The following CFAP57 variants were observed in gnomAD, a reference collection of about 807,000 sequenced individuals.
CFAP57 encodes cilia and flagella associated protein 57, also known as cilia- and flagella-associated protein 57.
Under a neutral mutation model 146.8 loss-of-function variants are expected in CFAP57, and 116 were observed. The ratio of observed to expected loss-of-function variants is 0.79; its 90% CI spans 0.68 to 0.92. CFAP57 has a LOEUF of 0.92. Among genes scored for constraint, CFAP57 ranks in the 40% least tolerant of loss-of-function variants. CFAP57 has a pLI of 0.00. For missense variants in CFAP57, 1,377 were observed against 1,527.2 expected, an observed-to-expected ratio of 0.90 and a Z score of 1.64; for synonymous variants, 518 against 552.8, an observed-to-expected ratio of 0.94 and a Z score of 0.88.
At chr1:43,250,646 G>A (rs1570380970) in intron 22 of CFAP57, among the ~76,000 whole-genome samples, 1 of 152,114 alleles carries the variant, frequency 6.6e-6, no homozygotes, top group Non-Finnish European at 1.5e-5. Flanking sequence ...CAACAAACAA[G>A]CCCCTAGTGT....
At chr1:43,222,784 C>A in intron 15 of CFAP57, 40 bp from the exon 16 acceptor site, 1 of 1,482,662 alleles carries the variant, frequency 6.7e-7, no homozygotes, top group Non-Finnish European at 9.0e-7. Flanking sequence ...ATGTGTGAGT[C>A]CCTTCTCCCC....
chr1:43,195,063 CAG>C (rs1643777267), intron 6 of CFAP57: 1 of 152,140 alleles, frequency 6.6e-6, no homozygotes, highest in Non-Finnish European at 1.5e-5. Flanking sequence ...TTTCTGAGGA[CAG>C]GGGAAAATGA....
chr1:43,227,086 G>C lies in CFAP57; in HGVS notation c.2969G>C (p.Arg990Pro), dbSNP rs892606329. 6.5e-7 allele frequency: 1 copy of C among 1,543,874 alleles called. No homozygotes were observed. The highest frequency in any genetic ancestry group is 1.2e-5 in the South Asian group (1 of 82,944). The part of the protein sequence containing the change: ...IKELKKQIEP[R>P]ENEIRVMKEQ... ...GAGCTGAAGAAGCAAATAGAACCTC[G>C]AGAGAATGAGATCAGGGTGATGAAG... is the stretch of plus-strand genomic sequence containing the variant. The change falls in exon 18 of 23, where the codon CGA becomes CCA. Residue 990 changes from arginine to proline, a missense_variant. By Grantham distance (103) the Arg-to-Pro change is moderately radical. Transcript: ENST00000372492.
Position 43,232,615 on chromosome 1 carries a change from GA to G in CFAP57, c.3118del (p.Arg1040AspfsTer22). On this transcript the variant is annotated frameshift_variant, in exon 19 of 23. Coordinates refer to ENST00000372492, the MANE Select transcript of CFAP57 (RefSeq NM_001378189.1). LOFTEE classifies it high-confidence loss of function. ...CCACCGATCAGGAGATGCGCAGAGA[GA>G]GACAGAAGGTGTGAGGGTTTCAGAG... ...RATDQEMRRE[R>X]QKERDLEALV... The G allele has an allele frequency of 6.5e-7, 1 of 1,539,322 alleles. No individual in the cohort carries two copies. The highest frequency in any genetic ancestry group is 1.7e-4 in the Middle Eastern group (1 of 5,928).
At chr1:43,242,307 C>T (rs1302839507) in intron 21 of CFAP57, among the ~76,000 whole-genome samples, 1 of 152,184 alleles carries the variant, frequency 6.6e-6, no homozygotes, top group Non-Finnish European at 1.5e-5. Context: ...TTAAACTGTA[C>T]CCACACCCCG....
At chr1:43,202,507 G>T (rs1442182516) in intron 9 of CFAP57, among the ~76,000 whole-genome samples, 3 of 152,168 alleles carry the variant, frequency 2.0e-5, no homozygotes, top group Non-Finnish European at 4.4e-5. Flanking sequence ...AGGGGTCCGG[G>T]CGCAGTCACT....
chr1:43,186,907 G>A (rs1474193211), intron 6 of CFAP57, 48 bp downstream of exon 6: 1 of 1,611,006 alleles, frequency 6.2e-7, no homozygotes, highest in East Asian at 2.2e-5. Context: ...CTATCTGCCT[G>A]CTGGGGGACT....
In CFAP57 at chr1:43,181,666, G is replaced by T. The variant is rs565680657; in HGVS notation, c.290G>T (p.Arg97Leu). 10 of 1,614,156 alleles carry T rather than the reference G, an allele frequency of 6.2e-6. No individual in the cohort carries two copies. Among genetic ancestry groups the T allele is most frequent in the South Asian group, 2.2e-5 (2 of 91,080 alleles). ...TTGTCATCCATCCCTTGCCGGAAGC[G>T]CAAAGTTCTTAATAATTTTGACTTC... is the stretch of plus-strand genomic sequence containing the variant. ...YELSSIPCRK[R>L]KVLNNFDFQV... Residue 97 changes from arginine (R) to leucine (L), a missense_variant, in exon 3 of 23, where the codon CGC becomes CTC. Arg to Leu is a moderately radical substitution (Grantham distance 102). Transcript: ENST00000372492.
intron 21 of CFAP57, among the ~76,000 whole-genome samples, chr1:43,234,990 C>T (rs1020842102): frequency 6.6e-6 from 1 of 152,168 alleles, no homozygotes; most frequent in Non-Finnish European, 1.5e-5. Context: ...CCCCTTGGCC[C>T]TCTAGACCTT....
chr1:43,177,730 C>T (rs1295667889), intron 2 of CFAP57, among the ~76,000 whole-genome samples: 2 of 152,302 alleles, frequency 1.3e-5, no homozygotes, highest in African/African-American at 2.4e-5. Context: ...TTAAGATTCT[C>T]ACAGAGAGCA....
At chr1:43,218,768 C>A (rs951052598) in intron 12 of CFAP57, among the ~76,000 whole-genome samples, 1 of 152,136 alleles carries the variant, frequency 6.6e-6, no homozygotes, top group Non-Finnish European at 1.5e-5. Context: ...TGGGCACTTA[C>A]CACAATTTGT....
Position 43,224,153 on chromosome 1 carries a change from C to T in CFAP57, c.2814C>T (p.Ile938=), listed in dbSNP as rs1391694034. ...TCATTAAGTCTCTGGAGAAGGACAT[C>T]CAAGGCCTCAAGCGAGAGATCCAGG... ...QGVIKSLEKD[I]QGLKREIQER... is the part of the protein sequence containing the mutation. Residue 938 remains isoleucine, a synonymous_variant, in exon 17 of 23, where the codon ATC becomes ATT. Coordinates refer to ENST00000372492, the MANE Select transcript of CFAP57 (RefSeq NM_001378189.1). 1.9e-6 allele frequency: 3 copies of T among 1,550,014 alleles called. No homozygotes were observed. The highest frequency in any genetic ancestry group is 1.7e-6 in the Non-Finnish European group (2 of 1,146,666).
Position 43,206,932 on chromosome 1 carries a change from G to C in CFAP57, c.1755G>C (p.Leu585Phe), listed in dbSNP as rs781781304. 1 of 1,611,966 alleles carries C rather than the reference G, an allele frequency of 6.2e-7. No homozygotes were observed. Among genetic ancestry groups the C allele is most frequent in the South Asian group, 1.1e-5 (1 of 90,998 alleles). ...DHTLKEIADS[L>F]ILREISAFDV... ...CCCTCAAGGAGATTGCAGATTCCTT[G>C]GTGAGTCTGCCCCTGCCCCGCCTCT... is the stretch of plus-strand genomic sequence containing the variant. The change falls in exon 10 of 23, where the codon TTG becomes TTC. Residue 585 changes from leucine to phenylalanine, a missense_variant and splice_region_variant. Transcript: ENST00000372492.
chr1:43,221,972 C>T (rs953903813), intron 14 of CFAP57, 133 bp from the exon 15 acceptor site: 1 of 681,594 alleles, frequency 1.5e-6, no homozygotes, highest in Non-Finnish European at 2.2e-6. Flanking sequence ...GCTAGGCAGG[C>T]ATTTGAATCT....
chr1:43,210,018 CTCTT>C, intron 11 of CFAP57, 102 bp downstream of exon 11: 9 of 1,613,678 alleles, frequency 5.6e-6, no homozygotes, highest in Non-Finnish European at 7.6e-6. Flanking sequence ...TCCTTCTTCT[CTCTT>C]ATTTATTCAT....
At chr1:43,221,860 A>G (rs561362163) in intron 14 of CFAP57, among the ~76,000 whole-genome samples, 1 of 152,234 alleles carries the variant, frequency 6.6e-6, no homozygotes, top group East Asian at 1.9e-4. Context: ...GAGTCCCCAA[A>G]TACCACTCTG....
chr1:43,196,219 C>T (rs1437033710), intron 6 of CFAP57, among the ~76,000 whole-genome samples: 1 of 152,162 alleles, frequency 6.6e-6, no homozygotes, highest in Non-Finnish European at 1.5e-5. Context: ...CATGACTCCT[C>T]AGGCAGAGGG....
intron 6 of CFAP57, among the ~76,000 whole-genome samples, chr1:43,192,373 G>A (rs1643591390): frequency 6.6e-6 from 1 of 152,186 alleles, no homozygotes; most frequent in Admixed American, 6.5e-5. Flanking sequence ...TGTAATCCCA[G>A]CACTTCGGGA....
intron 21 of CFAP57, among the ~76,000 whole-genome samples, chr1:43,240,603 G>A (rs1261638703): frequency 1.3e-5 from 2 of 152,182 alleles, no homozygotes; most frequent in African/African-American, 4.8e-5. Flanking sequence ...CTAGCATGAA[G>A]AATGAGGGGT....
Sources: allele counts gnomAD v4.1 joint callset (sites outside exome capture counted in the v4.1 genomes callset), GRCh38; gene constraint gnomAD v4.1.1; transcripts MANE v1.5; gene names NCBI Gene and HGNC (gene_info 2026-07-23, HGNC 2026-07-21).